Variants in TBC1D5 observed in about 807,000 individuals in gnomAD.
TBC1D5 encodes the protein TBC1 domain family, member 5.
Under a neutral mutation model 100.3 loss-of-function variants are expected in TBC1D5, and 75 were observed. That is an observed-to-expected ratio of 0.75 (90% CI 0.62 to 0.91). TBC1D5 has a LOEUF of 0.91. Among genes scored for constraint, TBC1D5 ranks in the 40% least tolerant of loss-of-function variants. The pLI is 0.00. For missense variants in TBC1D5, 910 were observed against 942.4 expected, an observed-to-expected ratio of 0.97 and a Z score of 0.45; for synonymous variants, 323 against 325.6, an observed-to-expected ratio of 0.99 and a Z score of 0.09.
At chr3:17,712,805 C>G (rs1431164582) in intron 1 of TBC1D5, among the ~76,000 whole-genome samples, 1 of 152,142 alleles carries the variant, frequency 6.6e-6, no homozygotes, top group Non-Finnish European at 1.5e-5. Context: ...TAATTCCACA[C>G]AACTCAGAGC....
At chr3:17,467,286 C>CTT (rs11299814) in intron 3 of TBC1D5, among the ~76,000 whole-genome samples, 19 of 121,284 alleles carry the variant, frequency 1.6e-4, no homozygotes, top group African/African-American at 4.1e-4. Context: ...GCCAGACCTT[C>CTT]TTTTTTTTTT....
chr3:17,486,482 TCA>T (rs1184907037), intron 3 of TBC1D5, among the ~76,000 whole-genome samples: 2 of 152,220 alleles, frequency 1.3e-5, no homozygotes, highest in African/African-American at 4.8e-5. Context: ...GTCTAACGTT[TCA>T]GTCTTTAATC....
intron 3 of TBC1D5, among the ~76,000 whole-genome samples, chr3:17,457,077 C>A (rs1346162535): frequency 1.3e-5 from 2 of 151,970 alleles, no homozygotes; most frequent in Non-Finnish European, 2.9e-5. Flanking sequence ...TTTGCTAGAA[C>A]AATATATAGT....
Position 17,457,915 on chromosome 3 carries a change from G to A in TBC1D5, c.98-29396C>T, listed in dbSNP as rs139761143. On this transcript the variant is annotated intron_variant, in intron 3 of 21. Transcript: ENST00000253692. ...GTTTGTTACTTCTACGCTACACTCA[G>A]TGCTCTACAGGCTACCATTCCTAAA... Among the ~76,000 whole-genome samples, 531 of 152,290 alleles carry A rather than the reference G, an allele frequency of 3.5e-3. 4 individuals are homozygous for A. Among genetic ancestry groups the A allele is most frequent in the African/African-American group, 0.012 (504 of 41,548 alleles).
At chr3:17,374,819 G>A (rs567400256) in intron 10 of TBC1D5, 140 bp from the exon 11 acceptor site, 1 of 774,464 alleles carries the variant, frequency 1.3e-6, no homozygotes, top group Non-Finnish European at 2.1e-6. Context: ...AAAGAGCAAT[G>A]CCATTAACAA....
chr3:17,316,617 G>A (rs1392385029), intron 13 of TBC1D5, among the ~76,000 whole-genome samples: 2 of 152,150 alleles, frequency 1.3e-5, no homozygotes, highest in East Asian at 1.9e-4. Flanking sequence ...TCAAAGTATC[G>A]TTCTTGCATT....
At chr3:17,410,341 C>T (rs1476848810) in intron 4 of TBC1D5, among the ~76,000 whole-genome samples, 4 of 152,270 alleles carry the variant, frequency 2.6e-5, no homozygotes, top group Non-Finnish European at 5.9e-5. Flanking sequence ...CAATACACCT[C>T]ATCACCCAAG....
chr3:17,393,959 C>G (rs1383348162), intron 8 of TBC1D5, among the ~76,000 whole-genome samples: 2 of 152,046 alleles, frequency 1.3e-5, no homozygotes, highest in African/African-American at 2.4e-5. Context: ...GCAACAAAAG[C>G]CAAAACTGAC....
intron 4 of TBC1D5, among the ~76,000 whole-genome samples, chr3:17,420,315 G>A (rs749183685): frequency 2.0e-5 from 3 of 151,966 alleles, no homozygotes; most frequent in Non-Finnish European, 2.9e-5. Flanking sequence ...ACAACTTTGT[G>A]CCAAAAGACA....
chr3:17,199,798 T>C (rs922775356), intron 18 of TBC1D5, among the ~76,000 whole-genome samples: 11 of 152,238 alleles, frequency 7.2e-5, no homozygotes, highest in Non-Finnish European at 1.6e-4. Context: ...GATGTTGATC[T>C]GAAAGGCCCT....
chr3:17,279,080 A>G (rs1412482860), intron 15 of TBC1D5, among the ~76,000 whole-genome samples: 1 of 152,240 alleles, frequency 6.6e-6, no homozygotes, highest in Non-Finnish European at 1.5e-5. Flanking sequence ...GAAGAGATAA[A>G]TTGCTTATGT....
chr3:17,545,767 A>G (rs976464403), intron 2 of TBC1D5, among the ~76,000 whole-genome samples: 4 of 152,220 alleles, frequency 2.6e-5, no homozygotes, highest in Admixed American at 1.3e-4. Flanking sequence ...TATGCCAATT[A>G]CATCACTCAT....
intron 3 of TBC1D5, among the ~76,000 whole-genome samples, chr3:17,463,264 G>A (rs2095246310): frequency 6.6e-6 from 1 of 152,120 alleles, no homozygotes; most frequent in Admixed American, 6.5e-5. Flanking sequence ...TCTGACAGTA[G>A]GATAGGAAAG....
chr3:17,643,454 C>T (rs1189058813), intron 1 of TBC1D5, among the ~76,000 whole-genome samples: 1 of 152,000 alleles, frequency 6.6e-6, no homozygotes, highest in African/African-American at 2.4e-5. Context: ...TTCTATTTCT[C>T]CTTAAATGTT....
rs192102995 is a variant in TBC1D5 at position 17,307,446 on chromosome 3, C to A, written c.1138+546G>T. ...CTAGACACTGGCTTTCCGGTTATTA[C>A]AGACACCATAACATACATCTGAGGA... On this transcript the variant is annotated intron_variant, in intron 14 of 21. Transcript: ENST00000253692. 2.3e-3 allele frequency among the ~76,000 whole-genome samples: 345 copies of A among 152,330 alleles called. 1 individual carries two copies. The highest frequency in any genetic ancestry group is 8.0e-3 in the African/African-American group (332 of 41,582).
At chr3:17,181,110 A>G (rs902127697) in intron 19 of TBC1D5, among the ~76,000 whole-genome samples, 1 of 152,168 alleles carries the variant, frequency 6.6e-6, no homozygotes, top group Non-Finnish European at 1.5e-5. Flanking sequence ...AGTGGCCCTC[A>G]TGTCACTAAG....
intron 1 of TBC1D5, among the ~76,000 whole-genome samples, chr3:17,645,634 C>T (rs1029710480): frequency 2.0e-5 from 3 of 152,130 alleles, no homozygotes; most frequent in Non-Finnish European, 4.4e-5. Flanking sequence ...TAGGTTTCCT[C>T]TTTGTATCCT....
chr3:17,655,873 C>T (rs1030604405), intron 1 of TBC1D5, among the ~76,000 whole-genome samples: 6 of 152,092 alleles, frequency 3.9e-5, no homozygotes, highest in African/African-American at 1.4e-4. Flanking sequence ...AATAAAGAAC[C>T]ACGTATTCTC....
At chr3:17,498,237 C>G (rs1264635436) in intron 3 of TBC1D5, among the ~76,000 whole-genome samples, 2 of 151,812 alleles carry the variant, frequency 1.3e-5, no homozygotes, top group Non-Finnish European at 2.9e-5. Flanking sequence ...AAGGAGCTAC[C>G]CAAACTCCAG....
Sources: allele counts gnomAD v4.1 joint callset (sites outside exome capture counted in the v4.1 genomes callset), GRCh38; gene constraint gnomAD v4.1.1; transcripts MANE v1.5; gene names NCBI Gene and HGNC (gene_info 2026-07-23, HGNC 2026-07-21).